The following ROR1 variants were observed in gnomAD, a reference collection of about 807,000 sequenced individuals.
ROR1 encodes inactive tyrosine-protein kinase transmembrane receptor ROR1.
In ROR1, 19 loss-of-function variants were observed where a neutral mutation model predicts 78.8. The observed-to-expected ratio is 0.24, with a 90% CI of 0.17 to 0.35. The LOEUF is 0.35. ROR1 is among the 10% of genes least tolerant of loss of function. The pLI is 1.00. For missense variants in ROR1, 917 were observed against 1,177.8 expected (o/e 0.78, Z 3.24); for synonymous variants, 386 against 433.6 (o/e 0.89, Z 1.36).
intron 1 of ROR1, among the ~76,000 whole-genome samples, chr1:63,802,516 T>G (rs1051541724): frequency 6.6e-6 from 1 of 151,970 alleles, no homozygotes; most frequent in Non-Finnish European, 1.5e-5. Context: ...AAAATGGAGG[T>G]TCATAGAAGT....
chr1:63,790,379 A>C (rs1278929373), intron 1 of ROR1, among the ~76,000 whole-genome samples: 1 of 152,236 alleles, frequency 6.6e-6, no homozygotes, highest in Non-Finnish European at 1.5e-5. Flanking sequence ...TCTCCAGGCT[A>C]TCTCTTCCAA....
rs751680204 is a variant in ROR1 at position 63,924,932 on chromosome 1, C to CTTTT, written c.92-84352_92-84349dup. 1.7e-3 allele frequency among the ~76,000 whole-genome samples: 145 copies of CTTTT among 85,020 alleles called. 1 individual carries two copies. Among genetic ancestry groups the CTTTT allele is most frequent in the African/African-American group, 5.2e-3 (133 of 25,532 alleles). The allele number at this position is 85,020 out of a possible 152,430, so 55.8% of individuals were successfully genotyped here. A position where few individuals can be genotyped will look rare whatever the true frequency, so the allele number is the denominator to read the frequency against. ...GCGGATTGGACCAGCAAAGGGGATG[C>CTTTT]TTTTTTTTTTTTTTTTTTTTTTTTA... On this transcript the variant is annotated intron_variant, in intron 1 of 8. Transcript: ENST00000371079.
At chr1:64,060,513 T>C (rs1319775524) in intron 4 of ROR1, among the ~76,000 whole-genome samples, 2 of 152,174 alleles carry the variant, frequency 1.3e-5, no homozygotes, top group East Asian at 3.9e-4. Flanking sequence ...GTGTTAGCCA[T>C]AGTGAAGAAG....
intron 1 of ROR1, among the ~76,000 whole-genome samples, chr1:63,827,415 G>A (rs1252321254): frequency 6.6e-6 from 1 of 152,058 alleles, no homozygotes; most frequent in African/African-American, 2.4e-5. Context: ...CCTTTCTTTT[G>A]CTGGTGGGAA....
chr1:63,994,663 A>T (rs1023927695), intron 1 of ROR1, among the ~76,000 whole-genome samples: 1 of 152,182 alleles, frequency 6.6e-6, no homozygotes, highest in African/African-American at 2.4e-5. Context: ...TAGTAAAGTG[A>T]AACTCATTGC....
chr1:64,148,808 AGTTG>A (rs1649543790), intron 7 of ROR1, among the ~76,000 whole-genome samples: 1 of 152,110 alleles, frequency 6.6e-6, no homozygotes, highest in Admixed American at 6.5e-5. Context: ...AAAAGACAAA[AGTTG>A]GTTTGGGCAA....
chr1:64,020,557 T>C (rs1032611073), intron 2 of ROR1, among the ~76,000 whole-genome samples: 5 of 152,072 alleles, frequency 3.3e-5, no homozygotes, highest in South Asian at 2.1e-4. Context: ...GCAAAGGAGA[T>C]GAATGAAAAA....
At position 64,159,064 on chromosome 1, in the gene ROR1, T is replaced by C. The variant is rs1465747122; in HGVS notation, c.1258T>C (p.Leu420=). 1 of 1,614,144 alleles carries C rather than the reference T, an allele frequency of 6.2e-7. No individual in the cohort carries two copies. Among genetic ancestry groups the C allele is most frequent in the Non-Finnish European group, 8.5e-7 (1 of 1,179,998 alleles). ...PSVAIPLAIA[L]LFFFICVCRN... The stretch of plus-strand genomic sequence containing the variant: ...TGTGGCCATTCCCCTGGCCATTGCT[T>C]TACTCTTCTTCTTCATTTGCGTCTG... The change falls in exon 8 of 9, where the codon TTA becomes CTA. Residue 420 remains leucine, a synonymous_variant. Transcript: ENST00000371079.
In ROR1 at chr1:63,774,384, AGCCGCC is replaced by A; in HGVS notation, c.-21_-16del. The A allele has an allele frequency of 2.4e-6, 3 of 1,243,408 alleles. No individual in the cohort carries two copies. The highest frequency in any genetic ancestry group is 1.0e-6 in the Non-Finnish European group (1 of 978,678). The allele number at this position is 1,243,408 out of a possible 1,614,324, so 77.0% of individuals were successfully genotyped here. On this transcript the variant is annotated 5_prime_UTR_variant, in exon 1 of 9. Coordinates refer to ENST00000371079, the MANE Select transcript of ROR1 (RefSeq NM_005012.4). The surrounding 1 kb of genome is among the most constrained non-coding windows in gnomAD (Gnocchi z 5.7). ...GTGGATGTTCTGCGCGCGGCCTGGG[AGCCGCC>A]GCCGCCGCCGCCTCAGCGAGAGGAG...
At chr1:63,780,305 T>C (rs961228498) in intron 1 of ROR1, among the ~76,000 whole-genome samples, 3 of 152,030 alleles carry the variant, frequency 2.0e-5, no homozygotes, top group African/African-American at 7.3e-5. Context: ...GTAATGGAAA[T>C]AGAATGGGAT....
chr1:64,094,626 G>C (rs1422454968), intron 4 of ROR1: 6 of 153,264 alleles, frequency 3.9e-5, no homozygotes, highest in Non-Finnish European at 7.2e-5. Flanking sequence ...GTCTTGCTCT[G>C]TCACCCAGGC....
chr1:63,983,312 G>C (rs1646225312), intron 1 of ROR1, among the ~76,000 whole-genome samples: 1 of 152,186 alleles, frequency 6.6e-6, no homozygotes, highest in Non-Finnish European at 1.5e-5. Flanking sequence ...TTCCCAAGTT[G>C]CCAAAGCCTG....
chr1:64,036,216 T>A (rs1412227418), intron 2 of ROR1, among the ~76,000 whole-genome samples: 1 of 152,122 alleles, frequency 6.6e-6, no homozygotes, highest in African/African-American at 2.4e-5. Context: ...GGCCAGCCAA[T>A]GTTCTTTCTA....
At chr1:63,845,981 C>T (rs1645077914) in intron 1 of ROR1, among the ~76,000 whole-genome samples, 1 of 152,168 alleles carries the variant, frequency 6.6e-6, no homozygotes, top group African/African-American at 2.4e-5. Flanking sequence ...GCTTCTGACT[C>T]CTTCTGGAAT....
In ROR1 at chr1:64,055,070, A is replaced by G. The variant is rs570693097; in HGVS notation, c.482+4354A>G. ...TCATTTTAACTTGATTACCTCTGTA[A>G]AGACCTATTTCCAAATAAGATCACA... On this transcript the variant is annotated intron_variant, in intron 4 of 8. Coordinates refer to ENST00000371079, the MANE Select transcript of ROR1 (RefSeq NM_005012.4). Among the ~76,000 whole-genome samples the G allele has an allele frequency of 2.4e-4, 37 of 152,270 alleles. No homozygotes were observed. In the East Asian group the frequency reaches 4.1e-3, roughly 17 times the overall value.
intron 8 of ROR1, among the ~76,000 whole-genome samples, chr1:64,168,810 A>G (rs1650159373): frequency 6.6e-6 from 1 of 152,228 alleles, no homozygotes; most frequent in Non-Finnish European, 1.5e-5. Flanking sequence ...CATCAGACAC[A>G]TTGTGGTCAT....
At chr1:63,976,173 G>A (rs1178081790) in intron 1 of ROR1, among the ~76,000 whole-genome samples, 2 of 152,166 alleles carry the variant, frequency 1.3e-5, no homozygotes, top group East Asian at 3.9e-4. Context: ...AAAAGGTAAT[G>A]TCATGGAGTG....
chr1:63,898,154 C>A (rs1160598720), intron 1 of ROR1, among the ~76,000 whole-genome samples: 1 of 152,124 alleles, frequency 6.6e-6, no homozygotes, highest in Non-Finnish European at 1.5e-5. Flanking sequence ...AACAGCTGGC[C>A]ATCTCTGCCT....
At chr1:63,947,958 T>C (rs190749396) in intron 1 of ROR1, among the ~76,000 whole-genome samples, 1 of 152,280 alleles carries the variant, frequency 6.6e-6, no homozygotes, top group Non-Finnish European at 1.5e-5. Flanking sequence ...GTTTATAATA[T>C]GCCAGGAATA....
Sources: gnomAD v4.1 joint callset for allele counts (sites outside exome capture counted in the v4.1 genomes callset) on GRCh38, gnomAD v4.1.1 for gene constraint, Gnocchi (gnomAD v3.1) non-coding constraint, MANE v1.5 for transcripts, NCBI Gene and HGNC (gene_info 2026-07-23, HGNC 2026-07-21) for gene names.